MPHOSPH6: variants seen among roughly 807,000 people sequenced by gnomAD.
MPHOSPH6 encodes the protein M-phase phosphoprotein 6.
A neutral mutation model predicts 21.8 loss-of-function variants in MPHOSPH6; 25 were observed. The ratio of observed to expected loss-of-function variants is 1.15; its 90% CI spans 0.83 to 1.60. The LOEUF (loss-of-function observed/expected upper bound fraction) is 1.60. Among genes scored for constraint, MPHOSPH6 ranks in the 40% most tolerant of loss-of-function variants. MPHOSPH6 has a pLI of 0.00. For synonymous variants in MPHOSPH6, 84 were observed against 56.5 expected (o/e 1.49, Z -2.18); for missense variants, 269 against 181.8 (o/e 1.48, Z -2.76).
At chr16:82,149,992 T>C (rs972891517) in intron 3 of MPHOSPH6, among the ~76,000 whole-genome samples, 1 of 151,342 alleles carries the variant, frequency 6.6e-6, no homozygotes, top group African/African-American at 2.4e-5. Flanking sequence ...ATAAACCTTT[T>C]TGTGATAATT....
chr16:82,160,582 G>A (rs767528422), intron 2 of MPHOSPH6, among the ~76,000 whole-genome samples: 1 of 152,160 alleles, frequency 6.6e-6, no homozygotes, highest in Non-Finnish European at 1.5e-5. Flanking sequence ...CTCTCTTGGG[G>A]CCGAAGGCAA....
At chr16:82,169,242 C>G (rs1305508986) in intron 1 of MPHOSPH6, among the ~76,000 whole-genome samples, 1 of 152,224 alleles carries the variant, frequency 6.6e-6, no homozygotes, top group East Asian at 1.9e-4. Flanking sequence ...TACTCTGCAA[C>G]CCCATTTCTT....
chr16:82,152,516 C>T (rs16956576), intron 2 of MPHOSPH6, among the ~76,000 whole-genome samples: 28,447 of 152,052 alleles, frequency 0.19, 3,310 homozygotes, highest in Admixed American at 0.36. Flanking sequence ...AAATCTGTGA[C>T]ACAAAGAGCC....
intron 1 of MPHOSPH6, among the ~76,000 whole-genome samples, chr16:82,169,513 G>A (rs866119699): frequency 1.3e-5 from 2 of 152,124 alleles, no homozygotes; most frequent in Non-Finnish European, 2.9e-5. Flanking sequence ...GGCCCACCCT[G>A]CAGATTTTAG....
At chr16:82,159,155 T>G (rs1906527316) in intron 2 of MPHOSPH6, among the ~76,000 whole-genome samples, 1 of 152,214 alleles carries the variant, frequency 6.6e-6, no homozygotes, top group African/African-American at 2.4e-5. Context: ...CTTCAACCAA[T>G]ACAACATGCT....
intron 1 of MPHOSPH6, chr16:82,164,948 G>A (rs1451497575): frequency 3.3e-5 from 5 of 151,998 alleles, no homozygotes; most frequent in East Asian, 1.9e-4. Flanking sequence ...TTTCTTCAGG[G>A]AACAAGTGAA....
chr16:82,159,435 C>G (rs933812190), intron 2 of MPHOSPH6, among the ~76,000 whole-genome samples: 3 of 151,944 alleles, frequency 2.0e-5, no homozygotes, highest in Non-Finnish European at 4.4e-5. Context: ...GATGGAGTCT[C>G]ATTCTGTTGC....
chr16:82,151,468 G>C lies in MPHOSPH6; in HGVS notation c.211C>G (p.Leu71Val), dbSNP rs370510103. ...CCTCTGAATGACATTCTTCCATAGAGAAGATCTTCACATAGTAAGAAACTC... is the reference window on the plus strand; with the variant it reads ...CCTCTGAATGACATTCTTCCATAGACAAGATCTTCACATAGTAAGAAACTC... Reference protein sequence around the residue: ...EQSFLLCEDLLYGRMSFRGFN... With the variant: ...EQSFLLCEDLVYGRMSFRGFN... The change falls in exon 3 of 5, where the codon CTC (leucine) becomes GTC (valine). Residue 71 changes from leucine to valine, a missense_variant. Physicochemically the swap from Leu to Val is conservative, Grantham distance 32. Coordinates refer to ENST00000258169, the MANE Select transcript of MPHOSPH6 (RefSeq NM_005792.2). The C allele has an allele frequency of 7.5e-6, 12 of 1,606,454 alleles. No individual in the cohort carries two copies. The highest frequency in any genetic ancestry group is 1.1e-5 in the South Asian group (1 of 89,220).
chr16:82,163,673 A>G (rs1338162972), intron 2 of MPHOSPH6, among the ~76,000 whole-genome samples: 1 of 152,268 alleles, frequency 6.6e-6, no homozygotes, highest in East Asian at 1.9e-4. Flanking sequence ...ATTTAAAAGA[A>G]GAAACAAAAA....
chr16:82,164,072 A>G lies in MPHOSPH6; in HGVS notation c.164+10T>C. On this transcript the variant is annotated intron_variant, in intron 2 of 4. Coordinates refer to ENST00000258169, the MANE Select transcript of MPHOSPH6 (RefSeq NM_005792.2). ...ACAAGCATCATCAGTATCAATTTTA[A>G]TAAACCTACTCTTTCTCTTTAAGCT... The G allele has an allele frequency of 1.3e-6, 2 of 1,582,112 alleles. No individual in the cohort carries two copies. The highest frequency in any genetic ancestry group is 1.7e-6 in the Non-Finnish European group (2 of 1,154,892).
chr16:82,151,169 C>G (rs1906252148), intron 3 of MPHOSPH6: 2 of 270,284 alleles, frequency 7.4e-6, no homozygotes, highest in South Asian at 1.0e-4. Flanking sequence ...AAAGACACAA[C>G]TTGAAATTTT....
At chr16:82,165,114 CTTTTTTATTTTT>C (rs1412290164) in intron 1 of MPHOSPH6, among the ~76,000 whole-genome samples, 4 of 63,932 alleles carry the variant, frequency 6.3e-5, no homozygotes, top group African/African-American at 6.8e-5. Flanking sequence ...TCCGATATTT[CTTTTTTATTTTT>C]TTTTTTATTT....
chr16:82,164,331 T>G, intron 1 of MPHOSPH6, 137 bp from the exon 2 acceptor site: 3 of 634,734 alleles, frequency 4.7e-6, no homozygotes, highest in Admixed American at 5.7e-5. Flanking sequence ...TTGGGGCAAG[T>G]GATCAAACGG....
At chr16:82,168,259 A>G (rs1046543530) in intron 1 of MPHOSPH6, among the ~76,000 whole-genome samples, 1 of 152,084 alleles carries the variant, frequency 6.6e-6, no homozygotes, top group Admixed American at 6.6e-5. Context: ...TGCTTGGCCA[A>G]TTCACTCCAC....
chr16:82,166,198 C>T (rs1567616487), intron 1 of MPHOSPH6, among the ~76,000 whole-genome samples: 1 of 152,200 alleles, frequency 6.6e-6, no homozygotes, highest in African/African-American at 2.4e-5. Flanking sequence ...CTTTTTGCAA[C>T]TTCCTGTGAA....
intron 2 of MPHOSPH6, among the ~76,000 whole-genome samples, chr16:82,159,089 A>G (rs1260228231): frequency 2.6e-5 from 4 of 152,232 alleles, no homozygotes; most frequent in Non-Finnish European, 5.9e-5. Context: ...AAGGCCATTG[A>G]GATACTCCTC....
chr16:82,157,955 A>G (rs1906481338), intron 2 of MPHOSPH6, among the ~76,000 whole-genome samples: 2 of 152,164 alleles, frequency 1.3e-5, no homozygotes, highest in Non-Finnish European at 2.9e-5. Context: ...CTGTGTTGAC[A>G]TTTGCAGACT....
intron 1 of MPHOSPH6, chr16:82,164,794 T>C (rs1906713751): frequency 6.6e-6 from 1 of 152,282 alleles, no homozygotes; most frequent in African/African-American, 2.4e-5. Context: ...GGTACATCTA[T>C]AAGTCTGCTC....
chr16:82,160,539 A>T (rs1906574754), intron 2 of MPHOSPH6, among the ~76,000 whole-genome samples: 1 of 152,204 alleles, frequency 6.6e-6, no homozygotes, highest in South Asian at 2.1e-4. Context: ...AGCGAAGGGC[A>T]GATTTGCTTA....
Sources: allele counts gnomAD v4.1 joint callset (sites outside exome capture counted in the v4.1 genomes callset), GRCh38; gene constraint gnomAD v4.1.1; transcripts MANE v1.5; gene names NCBI Gene and HGNC (gene_info 2026-07-23, HGNC 2026-07-21).